Variants in ASTN1 observed in about 807,000 individuals in gnomAD.
ASTN1 encodes astrotactin-1.
A neutral mutation model predicts 140.7 loss-of-function variants in ASTN1; 41 were observed. That is an observed-to-expected ratio of 0.29 (90% CI 0.23 to 0.38). The LOEUF is 0.38. Among genes scored for constraint, ASTN1 ranks in the 10% least tolerant of loss-of-function variants. The pLI is 1.00. For synonymous variants in ASTN1, 640 were observed against 652.2 expected (o/e 0.98, Z 0.29); for missense variants, 1,479 against 1,678.8 (o/e 0.88, Z 2.08).
intron 8 of ASTN1, among the ~76,000 whole-genome samples, chr1:177,007,088 T>C (rs2101924685): frequency 6.6e-6 from 1 of 152,294 alleles, no homozygotes; most frequent in East Asian, 1.9e-4. Flanking sequence ...TCTCTGGCTC[T>C]CCCTTTCCCA....
At chr1:177,068,291 G>A (rs551011864) in intron 1 of ASTN1, among the ~76,000 whole-genome samples, 1 of 152,224 alleles carries the variant, frequency 6.6e-6, no homozygotes, top group African/African-American at 2.4e-5. Flanking sequence ...TGGAACAAAA[G>A]CTTTAGAGCA....
intron 7 of ASTN1, among the ~76,000 whole-genome samples, chr1:177,019,349 T>C (rs1334993913): frequency 6.6e-6 from 1 of 152,216 alleles, no homozygotes; most frequent in African/African-American, 2.4e-5. Flanking sequence ...ACCATTTTTT[T>C]CCTAGGTATT....
intron 1 of ASTN1, among the ~76,000 whole-genome samples, chr1:177,069,815 G>T (rs1444391891): frequency 5.3e-5 from 8 of 150,804 alleles, no homozygotes; most frequent in African/African-American, 1.7e-4. Flanking sequence ...CCTCTGCAAA[G>T]AGTTTATCCA....
At chr1:177,108,998 G>T (rs574664004) in intron 1 of ASTN1, among the ~76,000 whole-genome samples, 13 of 151,544 alleles carry the variant, frequency 8.6e-5, no homozygotes, top group Non-Finnish European at 1.3e-4. Flanking sequence ...GGAAAAGCAC[G>T]CAAAAAAAGA....
chr1:177,003,962 A>G (rs957188510), intron 8 of ASTN1, among the ~76,000 whole-genome samples: 1 of 152,214 alleles, frequency 6.6e-6, no homozygotes, highest in African/African-American at 2.4e-5. Context: ...TAGTATTAGA[A>G]GTCCTATCCA....
At position 177,029,752 on chromosome 1, in the gene ASTN1, A is replaced by T; in HGVS notation, c.1013-11T>A. 12 of 1,605,914 alleles carry T rather than the reference A, an allele frequency of 7.5e-6. No homozygotes were observed. Among genetic ancestry groups the T allele is most frequent in the Non-Finnish European group, 9.4e-6 (11 of 1,174,806 alleles). ...AGAAGGCGGAACCAGCTGTAATGAAAGCAGCATGGTCAAGAAAGCGTTTTC... is the reference window on the plus strand; with the variant it reads ...AGAAGGCGGAACCAGCTGTAATGAATGCAGCATGGTCAAGAAAGCGTTTTC... On this transcript the variant is annotated splice_polypyrimidine_tract_variant and intron_variant, in intron 4 of 22. Coordinates refer to ENST00000361833, the MANE Select transcript of ASTN1 (RefSeq NM_004319.3).
intron 1 of ASTN1, among the ~76,000 whole-genome samples, chr1:177,115,096 C>T (rs1385124174): frequency 6.6e-6 from 1 of 152,066 alleles, no homozygotes. Flanking sequence ...CACGACAGCC[C>T]TACTCTGTTC....
chr1:176,982,263 C>T (rs1045497543), intron 8 of ASTN1, among the ~76,000 whole-genome samples: 37 of 152,162 alleles, frequency 2.4e-4, no homozygotes, highest in African/African-American at 8.7e-4. Flanking sequence ...ATTCCAAAGC[C>T]ATGGCCTTAG....
At chr1:176,982,513 T>G (rs1673665155) in intron 8 of ASTN1, among the ~76,000 whole-genome samples, 1 of 152,104 alleles carries the variant, frequency 6.6e-6, no homozygotes, top group Admixed American at 6.5e-5. Flanking sequence ...GAATTTGCAT[T>G]TATGACAGGT....
intron 1 of ASTN1, among the ~76,000 whole-genome samples, chr1:177,143,643 G>T (rs1295890174): frequency 6.6e-6 from 1 of 152,090 alleles, no homozygotes; most frequent in Non-Finnish European, 1.5e-5. Context: ...TGAAATGAAA[G>T]TCACTTTTAT....
At position 176,861,128 on chromosome 1, in the gene ASTN1, T is replaced by C; in HGVS notation, c.*3156A>G. The C allele has an allele frequency of 1.1e-6, 1 of 947,666 alleles. No homozygotes were observed. The highest frequency in any genetic ancestry group is 1.3e-6 in the Non-Finnish European group (1 of 795,526). 58.7% of individuals were successfully genotyped at this position (947,666 alleles called of 1,614,324 possible). ...TATTTCATCTTTTATAATCATACAA[T>C]AATTCTCTTTTAAACAACACTGTTA... On this transcript the variant is annotated 3_prime_UTR_variant, in exon 23 of 23. Coordinates refer to ENST00000361833, the MANE Select transcript of ASTN1 (RefSeq NM_004319.3).
At chr1:177,080,931 A>C (rs1679149386) in intron 1 of ASTN1, among the ~76,000 whole-genome samples, 2 of 152,202 alleles carry the variant, frequency 1.3e-5, no homozygotes, top group African/African-American at 4.8e-5. Context: ...CGTATGAAGC[A>C]TGCTGAAGGC....
chr1:176,894,830 C>T lies in ASTN1; in HGVS notation c.2672G>A (p.Gly891Asp), dbSNP rs995912783. 1.9e-6 allele frequency: 3 copies of T among 1,613,288 alleles called. No individual in the cohort carries two copies. In the African/African-American group the frequency reaches 4.0e-5, roughly 22 times the overall value. The change falls in exon 17 of 23, where the codon GGC (glycine) becomes GAC (aspartate). Residue 891 changes from glycine (G) to aspartate (D), a missense_variant and splice_region_variant. Transcript: ENST00000361833. ...CTCAGACTCATCTGATGGGGAGTTG[C>T]CTGCAGACACAAAATGGAAAGAAAC... is the stretch of plus-strand genomic sequence containing the variant. ...LWLEYEDISKGNSPSDESEER... is the reference protein window; with the variant it reads ...LWLEYEDISKDNSPSDESEER...
chr1:177,076,346 C>T (rs1040265545), intron 1 of ASTN1, among the ~76,000 whole-genome samples: 5 of 150,556 alleles, frequency 3.3e-5, no homozygotes, highest in African/African-American at 4.9e-5. Context: ...AAATCCCTCA[C>T]ACCATGCACC....
chr1:177,162,484 A>G (rs542847710), intron 1 of ASTN1, among the ~76,000 whole-genome samples: 1 of 152,350 alleles, frequency 6.6e-6, no homozygotes, highest in Admixed American at 6.5e-5. Flanking sequence ...TGCAGTGGGC[A>G]GCTTTGCACA....
chr1:177,081,318 C>G (rs1210157260), intron 1 of ASTN1, among the ~76,000 whole-genome samples: 1 of 151,976 alleles, frequency 6.6e-6, no homozygotes, highest in East Asian at 1.9e-4. Context: ...TATTTCATGC[C>G]AATTACTAAA....
At chr1:177,143,628 C>T (rs1380546167) in intron 1 of ASTN1, among the ~76,000 whole-genome samples, 1 of 152,074 alleles carries the variant, frequency 6.6e-6, no homozygotes, top group Non-Finnish European at 1.5e-5. Flanking sequence ...TGTCAATATG[C>T]CACTTGAAAT....
At chr1:176,939,690 TCTGA>T (rs1023882678) in intron 14 of ASTN1, among the ~76,000 whole-genome samples, 14 of 152,114 alleles carry the variant, frequency 9.2e-5, no homozygotes, top group Non-Finnish European at 1.8e-4. Flanking sequence ...AAGCAGTATC[TCTGA>T]CTATGTTTTT....
chr1:177,046,789 G>T (rs1387700760), intron 2 of ASTN1, among the ~76,000 whole-genome samples: 1 of 152,158 alleles, frequency 6.6e-6, no homozygotes, highest in Non-Finnish European at 1.5e-5. Flanking sequence ...GAAGAGATGT[G>T]AGGGTTCAGT....
Sources: allele counts gnomAD v4.1 joint callset (sites outside exome capture counted in the v4.1 genomes callset), GRCh38; gene constraint gnomAD v4.1.1; transcripts MANE v1.5; gene names NCBI Gene and HGNC (gene_info 2026-07-23, HGNC 2026-07-21).